ATOSA: variants seen among roughly 807,000 people sequenced by gnomAD.
The protein encoded by ATOSA is atos homolog A.
At chr15:52,597,228 CTAT>C in the ATOSA span, among the ~76,000 whole-genome samples, 1 of 2,120 alleles carries the variant, frequency 4.7e-4, no homozygotes, top group African/African-American at 1.3e-3. Flanking sequence ...CTATTCTATT[CTAT>C]TCTATTCTAT....
the ATOSA span, among the ~76,000 whole-genome samples, chr15:52,698,127 C>T: frequency 4.6e-5 from 7 of 151,782 alleles, no homozygotes; most frequent in Admixed American, 2.6e-4. Flanking sequence ...CAGGCGCGTG[C>T]CACCATGCCT....
the ATOSA span, among the ~76,000 whole-genome samples, chr15:52,682,758 A>G: frequency 6.6e-6 from 1 of 152,250 alleles, no homozygotes; most frequent in South Asian, 2.1e-4. Flanking sequence ...AGTTAAAAAG[A>G]AAAATGTACT....
chr15:52,661,045 T>C, the ATOSA span, among the ~76,000 whole-genome samples: 3 of 152,242 alleles, frequency 2.0e-5, no homozygotes, highest in Non-Finnish European at 4.4e-5. Flanking sequence ...CCTCATTTTT[T>C]ACACATTGAA....
chr15:52,646,493 C>T, the ATOSA span, among the ~76,000 whole-genome samples: 1 of 152,104 alleles, frequency 6.6e-6, no homozygotes, highest in Non-Finnish European at 1.5e-5. Flanking sequence ...CCAGGCTGGT[C>T]CTTTTGTGCT....
At chr15:52,680,370 GT>G in the ATOSA span, among the ~76,000 whole-genome samples, 284 of 148,888 alleles carry the variant, frequency 1.9e-3, no homozygotes, top group African/African-American at 6.6e-3. Context: ...ATTAGAAAAA[GT>G]TTTTTTTTTA....
At chr15:52,628,458 T>C in the ATOSA span, among the ~76,000 whole-genome samples, 2 of 152,168 alleles carry the variant, frequency 1.3e-5, no homozygotes, top group African/African-American at 4.8e-5. Context: ...GTTCTCTAAG[T>C]CAATTACAGC....
chr15:52,643,772 G>A, the ATOSA span, among the ~76,000 whole-genome samples: 6 of 151,982 alleles, frequency 3.9e-5, no homozygotes, highest in East Asian at 3.9e-4. Context: ...AATTAGCTGG[G>A]TGTGGTGGCG....
the ATOSA span, among the ~76,000 whole-genome samples, chr15:52,591,609 G>A: frequency 2.0e-5 from 3 of 152,150 alleles, no homozygotes; most frequent in Non-Finnish European, 4.4e-5. Flanking sequence ...AGTAAAAGGT[G>A]TGAAACTGAT....
chr15:52,609,734 G>A, the ATOSA span: 11 of 1,613,470 alleles, frequency 6.8e-6, no homozygotes, highest in South Asian at 2.2e-5. Flanking sequence ...TTAAATGGAC[G>A]TCCAGAAACA....
At chr15:52,660,510 C>A in the ATOSA span, among the ~76,000 whole-genome samples, 2 of 152,224 alleles carry the variant, frequency 1.3e-5, no homozygotes, top group African/African-American at 4.8e-5. Context: ...CTTCTCCTTG[C>A]TCTCACTTAG....
At chr15:52,613,189 A>ACAT in the ATOSA span, among the ~76,000 whole-genome samples, 4 of 152,068 alleles carry the variant, frequency 2.6e-5, no homozygotes, top group African/African-American at 9.7e-5. Flanking sequence ...AATATGACAA[A>ACAT]ACACCGCCTC....
At chr15:52,608,240 G>C in the ATOSA span, among the ~76,000 whole-genome samples, 5 of 152,238 alleles carry the variant, frequency 3.3e-5, no homozygotes, top group East Asian at 1.9e-4. Context: ...GGGGGAGCAG[G>C]GGGAGAACAG....
At chr15:52,665,090 T>C in the ATOSA span, among the ~76,000 whole-genome samples, 60 of 152,300 alleles carry the variant, frequency 3.9e-4, no homozygotes, top group African/African-American at 1.2e-3. Context: ...GTGGGAACAA[T>C]AGACACTGGG....
chr15:52,687,384 G>A, the ATOSA span, among the ~76,000 whole-genome samples: 1 of 152,254 alleles, frequency 6.6e-6, no homozygotes, highest in Non-Finnish European at 1.5e-5. Context: ...CAGCCTGGGC[G>A]ACAGAGCGAG....
At chr15:52,615,603 AAAAG>A in the ATOSA span, among the ~76,000 whole-genome samples, 1 of 152,240 alleles carries the variant, frequency 6.6e-6, no homozygotes, top group Non-Finnish European at 1.5e-5. Flanking sequence ...AAAGTATGCA[AAAAG>A]AAAGACTGGA....
chr15:52,608,172 T>C, the ATOSA span, among the ~76,000 whole-genome samples: 1 of 152,174 alleles, frequency 6.6e-6, no homozygotes, highest in African/African-American at 2.4e-5. Context: ...TTATAGGCTG[T>C]GAGCCATTGT....
the ATOSA span, among the ~76,000 whole-genome samples, chr15:52,708,020 G>C: frequency 1.5e-4 from 23 of 152,314 alleles, no homozygotes; most frequent in South Asian, 4.3e-3. Flanking sequence ...ACCTCAGGAG[G>C]CTTGGAGATG....
the ATOSA span, among the ~76,000 whole-genome samples, chr15:52,706,189 A>G: frequency 6.6e-6 from 1 of 152,220 alleles, no homozygotes; most frequent in African/African-American, 2.4e-5. Flanking sequence ...TTAAAAAATA[A>G]AACTAAGGCA....
the ATOSA span, among the ~76,000 whole-genome samples, chr15:52,662,406 T>C: frequency 6.6e-6 from 1 of 152,218 alleles, no homozygotes; most frequent in Non-Finnish European, 1.5e-5. Flanking sequence ...TTTCTTCCAT[T>C]TGTTTTAACA....
Sources: allele counts gnomAD v4.1 joint callset (sites outside exome capture counted in the v4.1 genomes callset), GRCh38; gene constraint gnomAD v4.1.1; transcripts MANE v1.5; gene names NCBI Gene and HGNC (gene_info 2026-07-23, HGNC 2026-07-21).